Variants in WDR18 observed in about 807,000 individuals in gnomAD.
WDR18 encodes the protein WD repeat domain 18.
A neutral mutation model predicts 49.6 loss-of-function variants in WDR18; 33 were observed. That is an observed-to-expected ratio of 0.67 (90% CI 0.50 to 0.89). The LOEUF (loss-of-function observed/expected upper bound fraction) is 0.89. Among genes scored for constraint, WDR18 ranks in the 40% least tolerant of loss-of-function variants. The pLI is 0.00. For synonymous variants in WDR18, 315 were observed against 263.6 expected (o/e 1.19, Z -1.89); for missense variants, 653 against 593.6 (o/e 1.10, Z -1.04).
chr19:985,344 A>AT (rs1392825382), intron 1 of WDR18, among the ~76,000 whole-genome samples: 2 of 151,948 alleles, frequency 1.3e-5, no homozygotes, highest in Non-Finnish European at 2.9e-5. Flanking sequence ...CCACATTTGT[A>AT]TTTTTTGTAG....
rs751777303 is a variant in WDR18 at position 991,959 on chromosome 19, A to G, written c.936A>G (p.Pro312=). The change falls in exon 8 of 10, where the codon CCA becomes CCG. Residue 312 remains proline (P), a synonymous_variant. Transcript: ENST00000585809. ...CCTGACCTCCGCGCCCCCCAGGCCCAGTCACCAATGCCGCCATCCTGCTGG... is the reference window on the plus strand; with the variant it reads ...CCTGACCTCCGCGCCCCCCAGGCCCGGTCACCAATGCCGCCATCCTGCTGG... ...QCIRTVALKG[P]VTNAAILLAP... 5.7e-6 allele frequency: 9 copies of G among 1,586,548 alleles called. No individual in the cohort carries two copies. The highest frequency in any genetic ancestry group is 6.0e-6 in the Non-Finnish European group (7 of 1,172,528).
intron 2 of WDR18, among the ~76,000 whole-genome samples, chr19:989,422 C>G (rs1568384731): frequency 6.6e-6 from 1 of 152,168 alleles, no homozygotes; most frequent in Non-Finnish European, 1.5e-5. Flanking sequence ...GCAGCCGTTC[C>G]TACGGGGCCC....
chr19:990,489 C>T (rs1307764344), intron 4 of WDR18, 125 bp downstream of exon 4: 4 of 1,320,318 alleles, frequency 3.0e-6, no homozygotes, highest in Non-Finnish European at 4.0e-6. Flanking sequence ...CTTTTAATCC[C>T]CTGGTGCTCT....
chr19:992,656 C>T (rs1251296932), intron 8 of WDR18, among the ~76,000 whole-genome samples: 1 of 152,192 alleles, frequency 6.6e-6, no homozygotes, highest in Non-Finnish European at 1.5e-5. Flanking sequence ...GCTCCCTTAC[C>T]TTCTGAGGGT....
Position 992,141 on chromosome 19 carries a change from A to G in WDR18, c.1098+20A>G. Reference sequence around the variant, plus strand: ...CAGCAGGTACGGCCCCCAGCAGGGAACCCCCACTGCCCTTTTGTCCCGGAA... The same window carrying G: ...CAGCAGGTACGGCCCCCAGCAGGGAGCCCCCACTGCCCTTTTGTCCCGGAA... On this transcript the variant is annotated intron_variant, in intron 8 of 9. Coordinates refer to ENST00000585809, the MANE Select transcript of WDR18 (RefSeq NM_024100.4). The G allele has an allele frequency of 7.0e-7, 1 of 1,437,612 alleles. No homozygotes were observed. The highest frequency in any genetic ancestry group is 2.8e-5 in the East Asian group (1 of 35,482). 89.1% of individuals were successfully genotyped at this position (1,437,612 alleles called of 1,614,324 possible).
chr19:986,290 T>A (rs979676950), intron 2 of WDR18, among the ~76,000 whole-genome samples: 1 of 152,172 alleles, frequency 6.6e-6, no homozygotes, highest in South Asian at 2.1e-4. Flanking sequence ...GCCTGGCACT[T>A]GTGACTTGAA....
Position 994,466 on chromosome 19 carries a change from G to A in WDR18, c.*122G>A, listed in dbSNP as rs997299426. 4.3e-6 allele frequency: 6 copies of A among 1,390,666 alleles called. No homozygotes were observed. The highest frequency in any genetic ancestry group is 2.9e-5 in the African/African-American group (2 of 69,150). The allele number at this position is 1,390,666 out of a possible 1,614,324, so 86.1% of individuals were successfully genotyped here. Reference sequence around the variant, plus strand: ...CTCTCCTCAGTTCTGTGTCGTGTTCGGGTTTTTCCTCTGTGACTGGGCCGT... The same window carrying A: ...CTCTCCTCAGTTCTGTGTCGTGTTCAGGTTTTTCCTCTGTGACTGGGCCGT... On this transcript the variant is annotated 3_prime_UTR_variant, in exon 10 of 10. Coordinates refer to ENST00000585809, the MANE Select transcript of WDR18 (RefSeq NM_024100.4).
chr19:988,376 A>T (rs2145506015), intron 2 of WDR18, among the ~76,000 whole-genome samples: 1 of 152,232 alleles, frequency 6.6e-6, no homozygotes, highest in African/African-American at 2.4e-5. Context: ...CCCGGGAGGC[A>T]CTGATGTTCT....
chr19:991,369 C>G lies in WDR18; in HGVS notation c.931+18C>G. On this transcript the variant is annotated intron_variant, in intron 7 of 9. Coordinates refer to ENST00000585809, the MANE Select transcript of WDR18 (RefSeq NM_024100.4). ...CCTCAAAGGTGGGCGCGCCTCTGCT[C>G]GGCCCGCGGCCAGCGCGCAGGGGAA... The G allele has an allele frequency of 6.6e-7, 1 of 1,510,178 alleles. No individual in the cohort carries two copies. The highest frequency in any genetic ancestry group is 8.9e-7 in the Non-Finnish European group (1 of 1,125,154). The allele number at this position is 1,510,178 out of a possible 1,614,324, so 93.5% of individuals were successfully genotyped here. A position where few individuals can be genotyped will look rare whatever the true frequency, so the allele number is the denominator to read the frequency against.
In WDR18 at chr19:990,884, CT is replaced by C; in HGVS notation, c.631del (p.Ser211ProfsTer11). The C allele has an allele frequency of 6.2e-7, 1 of 1,612,288 alleles. No individual in the cohort carries two copies. The highest frequency in any genetic ancestry group is 8.5e-7 in the Non-Finnish European group (1 of 1,179,618). ...WEVSSGELLL[S>X]VLFDVSIMAV... The stretch of plus-strand genomic sequence containing the variant: ...AGGTCTCCTCGGGGGAGCTGCTGCT[CT>C]CCGTCCTCTTTGACGTGTCCATCAT... On this transcript the variant is annotated frameshift_variant, in exon 5 of 10. Coordinates refer to ENST00000585809, the MANE Select transcript of WDR18 (RefSeq NM_024100.4). LOFTEE classifies it high-confidence loss of function.
chr19:994,045 G>GCACGGAGCAGCTGCAGGC lies in WDR18; in HGVS notation c.1126_1143dup (p.Thr376_Ala381dup), dbSNP rs770050804. 56 of 1,559,580 alleles carry GCACGGAGCAGCTGCAGGC rather than the reference G, an allele frequency of 3.6e-5. No homozygotes were observed. The highest frequency in any genetic ancestry group is 4.8e-5 in the Non-Finnish European group (55 of 1,153,116). On this transcript the variant is annotated inframe_insertion, in exon 9 of 10. Coordinates refer to ENST00000585809, the MANE Select transcript of WDR18 (RefSeq NM_024100.4). ...GGCTCGGAGCCCAGCTACCTGGACC[G>GCACGGAGCAGCTGCAGGC]CACGGAGCAGCTGCAGGCCGTCCTG... is the stretch of plus-strand genomic sequence containing the variant.
At chr19:989,120 CA>C (rs1303280928) in intron 2 of WDR18, among the ~76,000 whole-genome samples, 17 of 57,314 alleles carry the variant, frequency 3.0e-4, no homozygotes, top group East Asian at 2.1e-3. Context: ...CTCGAACCCA[CA>C]AACCCCCCCA....
rs1334265451 is a variant in WDR18, at chr19:991,327, T to G, written c.907T>G (p.Cys303Gly). ...VRLWDVQSKQ[C>G]IRTVALKGPV... is the part of the protein sequence containing the mutation. ...CCTCTGGGACGTGCAGAGCAAGCAG[T>G]GCATCCGGACGGTGGCCCTCAAAGG... Residue 303 changes from cysteine (C) to glycine (G), a missense_variant, in exon 7 of 10, where the codon TGC (cysteine) becomes GGC (glycine). Transcript: ENST00000585809. 6.4e-7 allele frequency: 1 copy of G among 1,556,440 alleles called. No individual in the cohort carries two copies. The highest frequency in any genetic ancestry group is 1.9e-5 in the Admixed American group (1 of 51,762).
At chr19:985,221 A>G (rs938473452) in intron 1 of WDR18, among the ~76,000 whole-genome samples, 1 of 152,118 alleles carries the variant, frequency 6.6e-6, no homozygotes, top group Admixed American at 6.6e-5. Flanking sequence ...GCTGGAGTGC[A>G]GTGGTGCGAT....
chr19:989,721 G>A (rs894672261), intron 2 of WDR18, 41 bp from the exon 3 acceptor site: 3 of 1,609,612 alleles, frequency 1.9e-6, no homozygotes, highest in African/African-American at 1.3e-5. Context: ...CCTCCCCTGG[G>A]GCTTTCCTCC....
At chr19:992,678 C>T (rs906205398) in intron 8 of WDR18, among the ~76,000 whole-genome samples, 6 of 152,166 alleles carry the variant, frequency 3.9e-5, no homozygotes, top group Admixed American at 1.3e-4. Context: ...GAGTGACTTC[C>T]GGAACACTTC....
upstream of WDR18, among the ~76,000 whole-genome samples, chr19:983,621 A>G (rs67812051): frequency 0.14 from 21,697 of 151,406 alleles, 2,063 homozygotes; most frequent in African/African-American, 0.25. Flanking sequence ...CGTGACATGA[A>G]GTTAGACCCT....
rs71174337 is a variant in WDR18, at chr19:987,829, GTTT to G, written c.321+1875_321+1877del. Among the ~76,000 whole-genome samples the G allele has an allele frequency of 1.5e-3, 139 of 91,808 alleles. 1 individual carries two copies. Among genetic ancestry groups the G allele is most frequent in the African/African-American group, 5.9e-3 (112 of 18,934 alleles). The allele number at this position is 91,808 out of a possible 152,430, so 60.2% of individuals were successfully genotyped here. A position where few individuals can be genotyped will look rare whatever the true frequency, so the allele number is the denominator to read the frequency against. The stretch of plus-strand genomic sequence containing the variant: ...ACCCCTGCTCCCCTAGCCGCCTCCA[GTTT>G]TTTTTTTTTTTTTTTTTTTTCAGAT... On this transcript the variant is annotated intron_variant, in intron 2 of 9. Transcript: ENST00000585809.
At chr19:983,850 G>C (rs1226250281), upstream of WDR18, among the ~76,000 whole-genome samples, 1 of 151,836 alleles carries the variant, frequency 6.6e-6, no homozygotes, top group Non-Finnish European at 1.5e-5. Context: ...GGCCAGCCTG[G>C]GCAGGACAGT....
Sources: gnomAD v4.1 joint callset for allele counts (sites outside exome capture counted in the v4.1 genomes callset) on GRCh38, gnomAD v4.1.1 for gene constraint, MANE v1.5 for transcripts, NCBI Gene and HGNC (gene_info 2026-07-23, HGNC 2026-07-21) for gene names.